The following IREB2 variants were observed in gnomAD, a reference collection of about 807,000 sequenced individuals.
The protein encoded by IREB2 is iron responsive element binding protein 2, also known as iron-responsive element-binding protein 2.
A neutral mutation model predicts 118.8 loss-of-function variants in IREB2; 39 were observed. The observed-to-expected ratio is 0.33, with a 90% CI of 0.25 to 0.43. The LOEUF (loss-of-function observed/expected upper bound fraction) is 0.43. Among genes scored for constraint, IREB2 ranks in the 20% least tolerant of loss-of-function variants. The pLI, the probability that IREB2 is intolerant of heterozygous loss-of-function variation, is 1.00. For missense variants in IREB2, 900 were observed against 1,147.3 expected (o/e 0.78, Z 3.11); for synonymous variants, 372 against 392.2 (o/e 0.95, Z 0.61).
intron 2 of IREB2, among the ~76,000 whole-genome samples, chr15:78,450,662 G>A (rs1299335072): frequency 6.6e-6 from 1 of 152,120 alleles, no homozygotes; most frequent in African/African-American, 2.4e-5. Flanking sequence ...TATGACCCTC[G>A]AGGCAGCTTA....
Position 78,471,883 on chromosome 15 carries a change from C to G in IREB2, c.842C>G (p.Ser281Ter). ...CCAGACAGTGTAGTCGGCACAGATTCACACATAACGATGGTGAATGGTTTA... is the reference window on the plus strand; with the variant it reads ...CCAGACAGTGTAGTCGGCACAGATTGACACATAACGATGGTGAATGGTTTA... The part of the protein sequence containing the change: ...LFPDSVVGTD[S>*]HITMVNGLGI... Residue 281 changes from serine (S) to a stop codon, truncating the protein, a stop_gained, in exon 7 of 22, where the codon TCA (serine) becomes TGA (stop). Transcript: ENST00000258886. LOFTEE classifies it high-confidence loss of function. 6.2e-7 allele frequency: 1 copy of G among 1,610,666 alleles called. No homozygotes were observed. The highest frequency in any genetic ancestry group is 8.5e-7 in the Non-Finnish European group (1 of 1,178,518).
chr15:78,473,458 G>C, intron 8 of IREB2, 77 bp downstream of exon 8: 1 of 1,283,134 alleles, frequency 7.8e-7, no homozygotes, highest in African/African-American at 1.5e-5. Flanking sequence ...ATGAGAGCAG[G>C]GATTTGGGTT....
At position 78,500,801 on chromosome 15, in the gene IREB2, A is replaced by G. The variant is rs1250419572; in HGVS notation, c.*2658A>G. The stretch of plus-strand genomic sequence containing the variant: ...AGTTTCTAAGATGACAGTTATCACT[A>G]TTTTGTTTTATCTCCATGCTGACAT... On this transcript the variant is annotated 3_prime_UTR_variant, in exon 22 of 22. Coordinates refer to ENST00000258886, the MANE Select transcript of IREB2 (RefSeq NM_004136.4). The G allele has an allele frequency of 6.6e-6, 1 of 152,198 alleles. No homozygotes were observed. Among genetic ancestry groups the G allele is most frequent in the African/African-American group, 2.4e-5 (1 of 41,458 alleles). The allele number at this position is 152,198 out of a possible 1,614,324, so 9.4% of individuals were successfully genotyped here. A position where few individuals can be genotyped will look rare whatever the true frequency, so the allele number is the denominator to read the frequency against.
In IREB2 at chr15:78,473,390, A is replaced by G. The variant is rs1473404530; in HGVS notation, c.1023+9A>G. ...TTCTTGGTATTACAAAGGTAAGTTA[A>G]AGTTGTGGTAGCTCTATGACTTACT... On this transcript the variant is annotated intron_variant, in intron 8 of 21. Transcript: ENST00000258886. The G allele has an allele frequency of 1.4e-5, 22 of 1,610,500 alleles. No homozygotes were observed. The highest frequency in any genetic ancestry group is 1.8e-5 in the Non-Finnish European group (21 of 1,177,492).
chr15:78,468,360 C>T (rs2051320073), intron 5 of IREB2, among the ~76,000 whole-genome samples: 1 of 152,092 alleles, frequency 6.6e-6, no homozygotes, highest in African/African-American at 2.4e-5. Flanking sequence ...CCTCCTGCCT[C>T]AGCCTCCAGA....
intron 18 of IREB2, among the ~76,000 whole-genome samples, chr15:78,492,225 T>C (rs565219839): frequency 1.3e-5 from 2 of 152,232 alleles, no homozygotes; most frequent in South Asian, 2.1e-4. Context: ...AAGTTATATA[T>C]GGTCACTAAT....
chr15:78,497,389 A>C, intron 21 of IREB2, 78 bp downstream of exon 21: 1 of 1,020,694 alleles, frequency 9.8e-7, no homozygotes, highest in Non-Finnish European at 1.5e-6. Flanking sequence ...ATTGCTGTAA[A>C]TTATATACTA....
chr15:78,465,313 A>T lies in IREB2; in HGVS notation c.335A>T (p.Asp112Val). ...MREAVKTLGG[D>V]PEKVHPACPT... ...GAGGCAGTGAAAACTCTTGGAGGTG[A>T]TCCTGAGAAAGTCCATCCTGCTTGT... Residue 112 changes from aspartate (D) to valine (V), a missense_variant, in exon 4 of 22, where the codon GAT becomes GTT. By Grantham distance (152) the Asp-to-Val change is radical. Coordinates refer to ENST00000258886, the MANE Select transcript of IREB2 (RefSeq NM_004136.4). 6.2e-7 allele frequency: 1 copy of T among 1,613,768 alleles called. No homozygotes were observed.
chr15:78,448,167 CAG>C (rs1431512055), intron 2 of IREB2, among the ~76,000 whole-genome samples: 1 of 152,196 alleles, frequency 6.6e-6, no homozygotes, highest in African/African-American at 2.4e-5. Flanking sequence ...TTATTTGAGA[CAG>C]AGTCTTGCTC....
intron 2 of IREB2, among the ~76,000 whole-genome samples, chr15:78,445,218 T>C (rs1052260095): frequency 6.6e-6 from 1 of 151,644 alleles, no homozygotes; most frequent in Non-Finnish European, 1.5e-5. Context: ...GTTCATTGCG[T>C]CCTCCAACTC....
At chr15:78,489,417 A>G (rs1344976175) in intron 16 of IREB2, among the ~76,000 whole-genome samples, 1 of 152,224 alleles carries the variant, frequency 6.6e-6, no homozygotes, top group Admixed American at 6.5e-5. Flanking sequence ...TTCAGAATAC[A>G]TCATTGAACA....
At chr15:78,478,919 C>A (rs2051521046) in intron 10 of IREB2, among the ~76,000 whole-genome samples, 1 of 152,008 alleles carries the variant, frequency 6.6e-6, no homozygotes, top group South Asian at 2.1e-4. Flanking sequence ...ATAGTAAATG[C>A]TCAATAAGGG....
chr15:78,474,582 T>C (rs182489455), intron 8 of IREB2: 10 of 152,358 alleles, frequency 6.6e-5, no homozygotes, highest in Non-Finnish European at 1.0e-4. Context: ...TTTTTGACAT[T>C]TTAGTTTAAT....
chr15:78,452,549 A>G (rs1365643241), intron 2 of IREB2, among the ~76,000 whole-genome samples: 2 of 152,164 alleles, frequency 1.3e-5, no homozygotes, highest in Non-Finnish European at 2.9e-5. Context: ...GAACTCCTAC[A>G]TTTAGATATC....
intron 1 of IREB2, 143 bp downstream of exon 1, chr15:78,438,499 C>T (rs986670212): frequency 1.4e-5 from 13 of 905,964 alleles, no homozygotes; most frequent in Middle Eastern, 3.2e-4. Flanking sequence ...CGGGGCCTGC[C>T]TGCTGGGCCG....
chr15:78,463,052 C>A lies in IREB2; in HGVS notation c.237C>A (p.Pro79=). 1 of 1,608,664 alleles carries A rather than the reference C, an allele frequency of 6.2e-7. No homozygotes were observed. The highest frequency in any genetic ancestry group is 8.5e-7 in the Non-Finnish European group (1 of 1,178,460). ...WKTKQSNVEV[P]FFPARVLLQD... ...CCAAACAAAGCAATGTTGAAGTGCC[C>A]TTTTTCCCTGCCCGTGTTCTTCTTC... is the stretch of plus-strand genomic sequence containing the variant. The change falls in exon 3 of 22, where the codon CCC becomes CCA. Residue 79 remains proline, a synonymous_variant. Transcript: ENST00000258886.
At position 78,478,312 on chromosome 15, in the gene IREB2, A is replaced by G. The variant is rs1394564022; in HGVS notation, c.1211A>G (p.Lys404Arg). 1 of 1,611,844 alleles carries G rather than the reference A, an allele frequency of 6.2e-7. No individual in the cohort carries two copies. The highest frequency in any genetic ancestry group is 1.3e-5 in the African/African-American group (1 of 74,874). Residue 404 changes from lysine (K) to arginine (R), a missense_variant, in exon 10 of 22, where the codon AAA (lysine) becomes AGA (arginine). Coordinates refer to ENST00000258886, the MANE Select transcript of IREB2 (RefSeq NM_004136.4). ...HLEHTGFSKA[K>R]LESMETYLKA... Reference sequence around the variant, plus strand: ...TTCGTTTTAGGTTTTAGCAAAGCCAAACTCGAATCAATGGAAACATACCTT... The same window carrying G: ...TTCGTTTTAGGTTTTAGCAAAGCCAGACTCGAATCAATGGAAACATACCTT...
rs1457724568 is a variant in IREB2 at position 78,499,996 on chromosome 15, G to A, written c.*1853G>A. 1 of 152,330 alleles carries A rather than the reference G, an allele frequency of 6.6e-6. No homozygotes were observed. The highest frequency in any genetic ancestry group is 1.5e-5 in the Non-Finnish European group (1 of 68,154). The allele number at this position is 152,330 out of a possible 1,614,324, so 9.4% of individuals were successfully genotyped here. A position where few individuals can be genotyped will look rare whatever the true frequency, so the allele number is the denominator to read the frequency against. On this transcript the variant is annotated 3_prime_UTR_variant, in exon 22 of 22. Transcript: ENST00000258886. ...GCCTCCTGAGTAGCTGGGACTACAA[G>A]CATGCACCACCACGCCCAGCTAATT... is the stretch of plus-strand genomic sequence containing the variant.
Position 78,488,344 on chromosome 15 carries a change from T to C in IREB2, c.1951+8T>C. The stretch of plus-strand genomic sequence containing the variant: ...TCCAGACAGAACCTTTAGGTATCTT[T>C]TCCTTTATGTATATGTATACCTACA... On this transcript the variant is annotated splice_region_variant and intron_variant, in intron 15 of 21. Transcript: ENST00000258886. 1 of 1,574,246 alleles carries C rather than the reference T, an allele frequency of 6.4e-7. No individual in the cohort carries two copies. Among genetic ancestry groups the C allele is most frequent in the Non-Finnish European group, 8.6e-7 (1 of 1,167,068 alleles).
Sources: allele counts gnomAD v4.1 joint callset (sites outside exome capture counted in the v4.1 genomes callset), GRCh38; gene constraint gnomAD v4.1.1; transcripts MANE v1.5; gene names NCBI Gene and HGNC (gene_info 2026-07-23, HGNC 2026-07-21).